RALYL: variants seen among roughly 807,000 people sequenced by gnomAD.
RALYL encodes the protein RALY RNA binding protein like.
Under a neutral mutation model 35.1 loss-of-function variants are expected in RALYL, and 29 were observed. The ratio of observed to expected loss-of-function variants is 0.83; its 90% CI spans 0.61 to 1.13. RALYL has a LOEUF of 1.13. RALYL is among the 50% of genes most tolerant of loss of function. The pLI, the probability that RALYL is intolerant of heterozygous loss-of-function variation, is 0.00. For synonymous variants in RALYL, 120 were observed against 127.6 expected, an observed-to-expected ratio of 0.94 and a Z score of 0.40; for missense variants, 359 against 360.4, an observed-to-expected ratio of 1.00 and a Z score of 0.03.
At chr8:84,859,322 G>A (rs1184268185) in intron 5 of RALYL, among the ~76,000 whole-genome samples, 1 of 152,052 alleles carries the variant, frequency 6.6e-6, no homozygotes, top group African/African-American at 2.4e-5. Flanking sequence ...AGTAGCCTCT[G>A]GTCCTTTTGT....
chr8:84,617,214 C>T (rs1172344895), intron 2 of RALYL, among the ~76,000 whole-genome samples: 4 of 151,518 alleles, frequency 2.6e-5, no homozygotes, highest in Admixed American at 2.0e-4. Context: ...TTGATTGTTC[C>T]TACCCATGAG....
intron 1 of RALYL, among the ~76,000 whole-genome samples, chr8:84,189,692 A>G (rs549435467): frequency 2.0e-5 from 3 of 149,624 alleles, no homozygotes; most frequent in Non-Finnish European, 4.4e-5. Context: ...TTTTTTTCCT[A>G]CACAGATATG....
At chr8:84,863,944 G>A (rs1838635998) in intron 6 of RALYL, among the ~76,000 whole-genome samples, 1 of 152,152 alleles carries the variant, frequency 6.6e-6, no homozygotes, top group Non-Finnish European at 1.5e-5. Context: ...CCCCAATGTG[G>A]AGTATACACA....
chr8:84,579,616 G>A (rs181558605), intron 2 of RALYL, among the ~76,000 whole-genome samples: 2 of 152,278 alleles, frequency 1.3e-5, no homozygotes. Flanking sequence ...TTGACACCAA[G>A]TCTTTTTTGC....
chr8:84,649,760 G>T (rs1828311287), intron 2 of RALYL, among the ~76,000 whole-genome samples: 1 of 152,198 alleles, frequency 6.6e-6, no homozygotes, highest in East Asian at 1.9e-4. Flanking sequence ...ACTTGGTGAT[G>T]TGGGCTCTTT....
chr8:84,676,802 AT>A (rs35146557), intron 2 of RALYL, among the ~76,000 whole-genome samples: 32,762 of 150,682 alleles, frequency 0.22, 3,688 homozygotes, highest in Non-Finnish European at 0.23. Flanking sequence ...ATATTAAAAG[AT>A]TTTTTTTTTC....
At chr8:84,729,647 A>G (rs1845734121) in intron 2 of RALYL, among the ~76,000 whole-genome samples, 1 of 152,170 alleles carries the variant, frequency 6.6e-6, no homozygotes, top group Non-Finnish European at 1.5e-5. Flanking sequence ...CAAGACTAGT[A>G]AAGAAAAAAA....
chr8:84,394,785 T>C (rs1172760075), intron 1 of RALYL, among the ~76,000 whole-genome samples: 1 of 151,960 alleles, frequency 6.6e-6, no homozygotes, highest in East Asian at 1.9e-4. Flanking sequence ...AAAGGTTTTT[T>C]ACAAAAATGA....
At position 84,342,296 on chromosome 8, in the gene RALYL, A is replaced by ATATATATATATATATATATATATATAT. The variant is rs1554626164; in HGVS notation, c.-24+157872_-24+157873insTATATATATATATATATATATATATAT. 9.4e-4 allele frequency among the ~76,000 whole-genome samples: 112 copies of ATATATATATATATATATATATATATAT among 119,078 alleles called. 1 individual carries two copies. Among genetic ancestry groups the ATATATATATATATATATATATATATAT allele is most frequent in the African/African-American group, 1.7e-3 (47 of 28,410 alleles). The allele number at this position is 119,078 out of a possible 152,430, so 78.1% of individuals were successfully genotyped here. A position where few individuals can be genotyped will look rare whatever the true frequency, so the allele number is the denominator to read the frequency against. On this transcript the variant is annotated intron_variant, in intron 1 of 8. Transcript: ENST00000521268. ...TCGTTCAATATATATATATATATAT[A>ATATATATATATATATATATATATATAT]AAACTCAAAAAGTGTGGTCCTCCCA...
At chr8:84,618,196 G>A (rs1820318396) in intron 2 of RALYL, among the ~76,000 whole-genome samples, 1 of 151,846 alleles carries the variant, frequency 6.6e-6, no homozygotes, top group Non-Finnish European at 1.5e-5. Context: ...ACCTCTGGTA[G>A]AATTCGGCTG....
chr8:84,744,921 A>G (rs1015746114), intron 2 of RALYL, among the ~76,000 whole-genome samples: 2 of 151,994 alleles, frequency 1.3e-5, no homozygotes, highest in African/African-American at 4.8e-5. Context: ...AGTAATTGAT[A>G]TACTATTGAA....
intron 2 of RALYL, among the ~76,000 whole-genome samples, chr8:84,570,284 G>A (rs1807619283): frequency 6.6e-6 from 1 of 150,772 alleles, no homozygotes; most frequent in South Asian, 2.1e-4. Flanking sequence ...AGTTCTCCTT[G>A]TATGAATCTT....
chr8:84,479,324 C>T (rs1223809273), intron 1 of RALYL, among the ~76,000 whole-genome samples: 1 of 151,966 alleles, frequency 6.6e-6, no homozygotes, highest in African/African-American at 2.4e-5. Context: ...ATATTTTTCT[C>T]TTCCTTTCAT....
intron 3 of RALYL, among the ~76,000 whole-genome samples, chr8:84,795,664 G>A (rs986027815): frequency 2.0e-5 from 3 of 152,130 alleles, no homozygotes; most frequent in Non-Finnish European, 2.9e-5. Context: ...TGGTAAATAC[G>A]TATTTGGACA....
intron 4 of RALYL, among the ~76,000 whole-genome samples, chr8:84,847,723 G>A (rs1004856661): frequency 1.3e-5 from 2 of 152,192 alleles, no homozygotes; most frequent in Admixed American, 6.5e-5. Flanking sequence ...ACTTTAGGCA[G>A]TGGTCTCATT....
chr8:84,813,921 C>T (rs1173881151), intron 4 of RALYL, among the ~76,000 whole-genome samples: 4 of 132,778 alleles, frequency 3.0e-5, no homozygotes, highest in South Asian at 2.9e-4. Context: ...CACGACAGGC[C>T]CCAGTGTGTG....
intron 4 of RALYL, among the ~76,000 whole-genome samples, chr8:84,815,707 A>C (rs564263672): frequency 6.6e-6 from 1 of 152,148 alleles, no homozygotes; most frequent in Admixed American, 6.5e-5. Flanking sequence ...TCTTGGAAAT[A>C]AGCTGAGAGA....
intron 2 of RALYL, chr8:84,706,101 A>C (rs1228375898): frequency 6.6e-7 from 1 of 1,520,576 alleles, no homozygotes; most frequent in South Asian, 1.2e-5. Context: ...TCACTGGGGT[A>C]GGGAAAACAT....
chr8:84,913,798 TA>T (rs1257044662), intron 8 of RALYL, among the ~76,000 whole-genome samples: 7 of 151,974 alleles, frequency 4.6e-5, no homozygotes, highest in African/African-American at 1.7e-4. Context: ...TGGTTTTTTT[TA>T]AATTACCTAT....
Sources: gnomAD v4.1 joint callset for allele counts (sites outside exome capture counted in the v4.1 genomes callset) on GRCh38, gnomAD v4.1.1 for gene constraint, MANE v1.5 for transcripts, NCBI Gene and HGNC (gene_info 2026-07-23, HGNC 2026-07-21) for gene names.